Variants in GALM observed in about 807,000 individuals in gnomAD.
The protein encoded by GALM is aldose 1-epimerase.
A neutral mutation model predicts 37.4 loss-of-function variants in GALM; 43 were observed. The ratio of observed to expected loss-of-function variants is 1.15; its 90% confidence interval spans 0.90 to 1.48. GALM has a LOEUF of 1.48. GALM is among the 40% of genes most tolerant of loss of function. The probability of loss-of-function intolerance (pLI) is 0.00; values close to 1 mark genes in which losing one functional copy is unlikely to be tolerated. For missense variants in GALM, 456 were observed against 419.1 expected, an observed-to-expected ratio of 1.09 and a Z score of -0.77; for synonymous variants, 199 against 170.6, an observed-to-expected ratio of 1.17 and a Z score of -1.30.
intron 4 of GALM, among the ~76,000 whole-genome samples, chr2:38,696,474 C>T (rs1350595064): frequency 6.7e-6 from 1 of 149,662 alleles, no homozygotes. Context: ...TTTCTGTTGC[C>T]CAAGCTGAAA....
chr2:38,689,008 C>CG lies in GALM; in HGVS notation c.553-801dup, dbSNP rs1339029008. Reference sequence around the variant, plus strand: ...GCTAATTTTGTATTTTTAGTAGAGACGGGGCTTCTTCTTTTTGGTCAGGCT... The same window carrying CG: ...GCTAATTTTGTATTTTTAGTAGAGACGGGGGCTTCTTCTTTTTGGTCAGGCT... On this transcript the variant is annotated intron_variant, in intron 3 of 6. Transcript: ENST00000272252. Among the ~76,000 whole-genome samples, 17 of 152,112 alleles carry CG rather than the reference C, an allele frequency of 1.1e-4. No homozygotes were observed. The East Asian group carries it at 3.1e-3, about 28-fold the overall frequency.
intron 1 of GALM, among the ~76,000 whole-genome samples, chr2:38,667,451 T>C (rs1664975499): frequency 6.6e-6 from 1 of 151,908 alleles, no homozygotes; most frequent in Non-Finnish European, 1.5e-5. Context: ...GTGCCTGTAA[T>C]CCCAGCTAGT....
At chr2:38,667,252 T>G (rs1432371614) in intron 1 of GALM, among the ~76,000 whole-genome samples, 2 of 152,160 alleles carry the variant, frequency 1.3e-5, no homozygotes, top group African/African-American at 4.8e-5. Flanking sequence ...GGTTGGGGCG[T>G]AGACAAATTC....
intron 4 of GALM, among the ~76,000 whole-genome samples, chr2:38,728,814 C>T (rs889812587): frequency 4.6e-5 from 7 of 152,192 alleles, no homozygotes; most frequent in Admixed American, 4.6e-4. Context: ...ACAGAGGAAA[C>T]TGGTATTCTC....
At chr2:38,720,830 T>C (rs911181917) in intron 4 of GALM, among the ~76,000 whole-genome samples, 3 of 152,196 alleles carry the variant, frequency 2.0e-5, no homozygotes, top group Admixed American at 6.5e-5. Context: ...CCTTACAGTA[T>C]GGTGGCAGGG....
At chr2:38,687,045 C>T (rs1446358099) in intron 3 of GALM, among the ~76,000 whole-genome samples, 1 of 152,206 alleles carries the variant, frequency 6.6e-6, no homozygotes, top group African/African-American at 2.4e-5. Context: ...CCTTCACACC[C>T]CTTGTCTCGA....
intron 4 of GALM, among the ~76,000 whole-genome samples, chr2:38,708,044 T>C (rs888399393): frequency 6.6e-6 from 1 of 151,790 alleles, no homozygotes; most frequent in African/African-American, 2.4e-5. Flanking sequence ...GAGACGGAGG[T>C]TGCAGTGAGC....
chr2:38,710,705 T>A (rs1666134224), intron 4 of GALM, among the ~76,000 whole-genome samples: 1 of 151,794 alleles, frequency 6.6e-6, no homozygotes, highest in African/African-American at 2.4e-5. Flanking sequence ...ATGCCTGGTC[T>A]TGGCTATTTT....
intron 4 of GALM, among the ~76,000 whole-genome samples, chr2:38,724,257 C>G (rs1240306274): frequency 6.6e-6 from 1 of 152,058 alleles, no homozygotes; most frequent in East Asian, 1.9e-4. Context: ...AGAGATTCAT[C>G]TCTATATTTT....
intron 4 of GALM, among the ~76,000 whole-genome samples, chr2:38,719,938 G>A (rs896941808): frequency 3.3e-5 from 5 of 151,630 alleles, no homozygotes; most frequent in Non-Finnish European, 7.4e-5. Flanking sequence ...TTGGCCAGGC[G>A]CGTTGGCTCA....
intron 3 of GALM, among the ~76,000 whole-genome samples, chr2:38,689,388 G>T (rs1167290200): frequency 3.3e-5 from 5 of 152,178 alleles, no homozygotes; most frequent in South Asian, 2.1e-4. Flanking sequence ...AGAGGGGGGT[G>T]CCAGGTGCAC....
intron 3 of GALM, among the ~76,000 whole-genome samples, chr2:38,687,036 C>A (rs1665554296): frequency 6.6e-6 from 1 of 152,194 alleles, no homozygotes. Flanking sequence ...GGAACCCAAC[C>A]TTCACACCCC....
chr2:38,702,949 T>TAA (rs1322959558), intron 4 of GALM, among the ~76,000 whole-genome samples: 12 of 138,236 alleles, frequency 8.7e-5, no homozygotes, highest in African/African-American at 2.4e-4. Flanking sequence ...TATATATATA[T>TAA]AATATGTGTA....
intron 4 of GALM, among the ~76,000 whole-genome samples, chr2:38,723,042 G>GT (rs1015868708): frequency 2.0e-5 from 3 of 152,040 alleles, no homozygotes; most frequent in African/African-American, 7.2e-5. Context: ...TTGCCTCTGG[G>GT]TTTTTTTCTG....
chr2:38,729,587 C>T lies in GALM; in HGVS notation c.666C>T (p.Phe222=), dbSNP rs757065320. The part of the protein sequence containing the change: ...GEVAPVQGTA[F]DLRKPVELGK... ...TTGCCCCAGTGCAAGGCACTGCATT[C>T]GACCTGAGAAAGCCAGTGGAGCTTG... Residue 222 remains phenylalanine, a synonymous_variant, in exon 5 of 7, where the codon TTC becomes TTT. Transcript: ENST00000272252. 19 of 1,613,386 alleles carry T rather than the reference C, an allele frequency of 1.2e-5. No homozygotes were observed. In the African/African-American group the frequency reaches 1.9e-4, roughly 16 times the overall value.
intron 1 of GALM, among the ~76,000 whole-genome samples, chr2:38,673,809 C>CAA (rs373671218): frequency 0.11 from 9,584 of 84,280 alleles, 622 homozygotes; most frequent in East Asian, 0.37. Context: ...GACTCCGTCT[C>CAA]AAAAAAAAAA....
chr2:38,666,288 C>T lies in GALM; in HGVS notation c.127C>T (p.Leu43=). Residue 43 remains leucine (L), a synonymous_variant, in exon 1 of 7, where the codon CTA becomes TTA. Transcript: ENST00000272252. ...CTCCTGGGGCTGCACGATCACAGCC[C>T]TAGAGGTCAAAGACAGGCAGGGGAG... is the stretch of plus-strand genomic sequence containing the variant. ...IISWGCTITA[L]EVKDRQGRAS... 2 of 1,614,054 alleles carry T rather than the reference C, an allele frequency of 1.2e-6. No homozygotes were observed. Among genetic ancestry groups the T allele is most frequent in the South Asian group, 2.2e-5 (2 of 91,062 alleles).
At chr2:38,680,927 G>C (rs1665378060) in intron 2 of GALM, among the ~76,000 whole-genome samples, 1 of 152,212 alleles carries the variant, frequency 6.6e-6, no homozygotes, top group Non-Finnish European at 1.5e-5. Context: ...CTTGAGGTCA[G>C]GAGTTCGAGA....
chr2:38,671,543 T>G (rs972665886), intron 1 of GALM: 8 of 152,162 alleles, frequency 5.3e-5, no homozygotes, highest in African/African-American at 1.9e-4. Context: ...GCCCCCCTGA[T>G]CCAATTACCT....
Sources: gnomAD v4.1 joint callset for allele counts (sites outside exome capture counted in the v4.1 genomes callset) on GRCh38, gnomAD v4.1.1 for gene constraint, MANE v1.5 for transcripts, NCBI Gene and HGNC (gene_info 2026-07-23, HGNC 2026-07-21) for gene names.